Variants in DICER1 observed in about 807,000 individuals in gnomAD.
DICER1 encodes endoribonuclease Dicer.
In DICER1, 43 loss-of-function variants were observed where a neutral mutation model predicts 194.1. The ratio of observed to expected loss-of-function variants is 0.22; its 90% CI spans 0.17 to 0.29. DICER1 has a LOEUF of 0.29. DICER1 is among the 10% of genes least tolerant of loss of function. The pLI, the probability that DICER1 is intolerant of heterozygous loss-of-function variation, is 1.00. For missense variants in DICER1, 1,608 were observed against 2,317.0 expected, an observed-to-expected ratio of 0.69 and a Z score of 6.28; for synonymous variants, 832 against 820.5, an observed-to-expected ratio of 1.01 and a Z score of -0.24.
chr14:95,128,357 A>G (rs888694959), intron 6 of DICER1, among the ~76,000 whole-genome samples: 1 of 152,244 alleles, frequency 6.6e-6, no homozygotes, highest in African/African-American at 2.4e-5. Context: ...TTTGGGCAAT[A>G]CAAGTGAAGC....
At chr14:95,153,822 G>C (rs1339456821) in intron 1 of DICER1, among the ~76,000 whole-genome samples, 2 of 152,180 alleles carry the variant, frequency 1.3e-5, no homozygotes, top group Admixed American at 1.3e-4. Context: ...AAATTTGGAA[G>C]AAGTGAAAAC....
At chr14:95,117,168 T>C (rs1272932535) in intron 9 of DICER1, among the ~76,000 whole-genome samples, 1 of 152,104 alleles carries the variant, frequency 6.6e-6, no homozygotes, top group African/African-American at 2.4e-5. Context: ...GGCACAAAAA[T>C]ATTTAAGCTA....
intron 1 of DICER1, among the ~76,000 whole-genome samples, chr14:95,143,279 C>A (rs1164310264): frequency 1.3e-5 from 2 of 152,122 alleles, no homozygotes; most frequent in South Asian, 2.1e-4. Context: ...GGTATAGATA[C>A]AAAATACTGA....
At chr14:95,146,024 ATGG>A (rs1437529227) in intron 1 of DICER1, among the ~76,000 whole-genome samples, 2 of 152,262 alleles carry the variant, frequency 1.3e-5, no homozygotes, top group African/African-American at 4.8e-5. Flanking sequence ...TTCATTTTAC[ATGG>A]TGAAGTTCAA....
intron 1 of DICER1, among the ~76,000 whole-genome samples, chr14:95,149,308 G>C (rs1307252299): frequency 1.3e-5 from 2 of 152,204 alleles, no homozygotes; most frequent in Non-Finnish European, 2.9e-5. Flanking sequence ...AGACAGGAAA[G>C]CAAATATATT....
intron 1 of DICER1, among the ~76,000 whole-genome samples, chr14:95,148,327 C>T (rs984052892): frequency 1.3e-5 from 2 of 152,154 alleles, no homozygotes; most frequent in Non-Finnish European, 2.9e-5. Context: ...TTCCCAGTAA[C>T]CAGCCCCCAT....
intron 1 of DICER1, among the ~76,000 whole-genome samples, chr14:95,136,274 T>C (rs1286352195): frequency 6.6e-6 from 1 of 152,254 alleles, no homozygotes; most frequent in Non-Finnish European, 1.5e-5. Flanking sequence ...CAGGTGATTC[T>C]GGCTAGCTCT....
intron 23 of DICER1, 33 bp downstream of exon 23, chr14:95,095,792 C>A: frequency 6.2e-7 from 1 of 1,610,802 alleles, no homozygotes; most frequent in Non-Finnish European, 8.5e-7. Flanking sequence ...GTCTCATTTT[C>A]CCAGAAATGA....
rs143300107 is a variant in DICER1, at chr14:95,116,947, TCAGA to T, written c.1510-256_1510-253del. ...ATTAAATGGTAACATAAGCTAGTGT[TCAGA>T]CAGTTATATCTATCAGACTGGCTCC... On this transcript the variant is annotated intron_variant, in intron 9 of 26. Transcript: ENST00000343455. Among the ~76,000 whole-genome samples the T allele has an allele frequency of 3.9e-5, 6 of 152,326 alleles. No homozygotes were observed. The East Asian group carries it at 5.8e-4, about 15-fold the overall frequency.
intron 17 of DICER1, 76 bp downstream of exon 17, chr14:95,107,532 G>T (rs547294153): frequency 3.1e-5 from 46 of 1,490,000 alleles, no homozygotes; most frequent in Admixed American, 6.7e-5. Flanking sequence ...CTGCAGGCGT[G>T]AGCCACCGTG....
intron 1 of DICER1, among the ~76,000 whole-genome samples, chr14:95,155,419 A>C (rs1895785896): frequency 6.6e-6 from 1 of 152,224 alleles, no homozygotes; most frequent in Non-Finnish European, 1.5e-5. Flanking sequence ...CACCCTCTCT[A>C]GAAGATAGCA....
In DICER1 at chr14:95,116,408, T is replaced by C. The variant is rs533528395; in HGVS notation, c.1752+45A>G. On this transcript the variant is annotated intron_variant, in intron 10 of 26. Coordinates refer to ENST00000343455, the MANE Select transcript of DICER1 (RefSeq NM_177438.3). The stretch of plus-strand genomic sequence containing the variant: ...AAGAATAACAAAGAAGCCACATTAA[T>C]TTTTTTTCCCAATCTGCCGGCACAT... 26 of 1,593,970 alleles carry C rather than the reference T, an allele frequency of 1.6e-5. No homozygotes were observed. In the South Asian group the frequency reaches 2.4e-4, roughly 15 times the overall value.
chr14:95,128,476 T>C (rs1490025677), intron 6 of DICER1, among the ~76,000 whole-genome samples: 1 of 152,190 alleles, frequency 6.6e-6, no homozygotes, highest in African/African-American at 2.4e-5. Context: ...AAGATTTATA[T>C]TTCACATGGC....
At chr14:95,144,258 C>T (rs928332639) in intron 1 of DICER1, among the ~76,000 whole-genome samples, 8 of 152,098 alleles carry the variant, frequency 5.3e-5, no homozygotes, top group East Asian at 1.9e-4. Context: ...CATGTATACC[C>T]GCCTATGCAG....
At position 95,108,348 on chromosome 14, in the gene DICER1, T is replaced by C. The variant is rs1595381910; in HGVS notation, c.2412A>G (p.Ile804Met). ...CCTGAGGTATGGGTTTGGCCGTCAG[T>C]ATTCCAAAGCATCTTGTGGTATCTT... The part of the protein sequence containing the change: ...PPEDTTRCFG[I>M]LTAKPIPQIP... The change falls in exon 15 of 27, where the codon ATA becomes ATG. Residue 804 changes from isoleucine to methionine, a missense_variant. By Grantham distance (10) the Ile-to-Met change is conservative. This residue lies in a region of DICER1 where 150 missense variants were observed against 216.0 expected (regional missense o/e 0.69). Transcript: ENST00000343455. 6.2e-7 allele frequency: 1 copy of C among 1,614,106 alleles called. No homozygotes were observed.
chr14:95,139,229 C>T (rs1894667065), intron 1 of DICER1, among the ~76,000 whole-genome samples: 1 of 152,148 alleles, frequency 6.6e-6, no homozygotes, highest in Non-Finnish European at 1.5e-5. Flanking sequence ...ATAAAATGTA[C>T]TTCTGTAATT....
chr14:95,104,059 A>C lies in DICER1; in HGVS notation c.3337T>G (p.Ser1113Ala), dbSNP rs1595367700. 6.2e-7 allele frequency: 1 copy of C among 1,614,098 alleles called. No individual in the cohort carries two copies. Among genetic ancestry groups the C allele is most frequent in the African/African-American group, 1.3e-5 (1 of 75,036 alleles). Residue 1113 changes from serine (S) to alanine (A), a missense_variant, in exon 21 of 27, where the codon TCC (serine) becomes GCC (alanine). Transcript: ENST00000343455. ...TAATTATCATTTTCAGCTGAAGAGG[A>C]GTTAGAAATTGAGATGAAAGATTTG... ...DSKSFISISN[S>A]SSAENDNYCK...
chr14:95,107,436 G>T (rs974272491), intron 17 of DICER1, among the ~76,000 whole-genome samples, 172 bp downstream of exon 17: 1 of 152,004 alleles, frequency 6.6e-6, no homozygotes, highest in Non-Finnish European at 1.5e-5. Context: ...ATTTTTAGTA[G>T]AGACGAGGTT....
At position 95,108,054 on chromosome 14, in the gene DICER1, T is replaced by C. The variant is rs1328529319; in HGVS notation, c.2476A>G (p.Thr826Ala). ...GACTTCTTCAACTCAATGGATATGG[T>C]AACCTCTCCAGAGCGTGTGTACACA... is the stretch of plus-strand genomic sequence containing the variant. The part of the protein sequence containing the change: ...FPVYTRSGEV[T>A]ISIELKKSGF... The change falls in exon 16 of 27, where the codon ACC (threonine) becomes GCC (alanine). Residue 826 changes from threonine to alanine, a missense_variant. This residue lies in a region of DICER1 where 150 missense variants were observed against 216.0 expected (regional missense o/e 0.69). Transcript: ENST00000343455. 1 of 1,613,834 alleles carries C rather than the reference T, an allele frequency of 6.2e-7. No individual in the cohort carries two copies. The highest frequency in any genetic ancestry group is 1.7e-5 in the Admixed American group (1 of 60,008).
Sources: allele counts gnomAD v4.1 joint callset (sites outside exome capture counted in the v4.1 genomes callset), GRCh38; gene constraint gnomAD v4.1.1; regional missense constraint gnomAD v4.1.1; transcripts MANE v1.5; gene names NCBI Gene and HGNC (gene_info 2026-07-23, HGNC 2026-07-21).